DOK6: variants seen among roughly 807,000 people sequenced by gnomAD.
DOK6 encodes the protein downstream of tyrosine kinase 6.
In DOK6, 22 loss-of-function variants were observed where a neutral mutation model predicts 44.0. The observed-to-expected ratio is 0.50, with a 90% CI of 0.36 to 0.71. DOK6 has a LOEUF of 0.71. Ranked by LOEUF, DOK6 falls within the 30% of genes least tolerant of loss-of-function variation. DOK6 has a pLI of 0.00. For synonymous variants in DOK6, 166 were observed against 145.5 expected (o/e 1.14, Z -1.01); for missense variants, 340 against 416.4 (o/e 0.82, Z 1.60).
intron 3 of DOK6, among the ~76,000 whole-genome samples, chr18:69,656,405 A>C (rs4891765): frequency 0.074 from 11,209 of 152,264 alleles, 465 homozygotes; most frequent in Admixed American, 0.1. Context: ...GATATCACAA[A>C]GTGGTTTAGA....
chr18:69,590,480 C>T (rs1983598116), intron 2 of DOK6, among the ~76,000 whole-genome samples: 1 of 152,088 alleles, frequency 6.6e-6, no homozygotes, highest in Admixed American at 6.5e-5. Flanking sequence ...CCTTTAAATA[C>T]CATGCTTTTT....
At chr18:69,764,565 G>A (rs552648884) in intron 7 of DOK6, among the ~76,000 whole-genome samples, 1 of 152,124 alleles carries the variant, frequency 6.6e-6, no homozygotes, top group Non-Finnish European at 1.5e-5. Context: ...CGTGAAGAAG[G>A]ATGTGTTTGC....
intron 7 of DOK6, among the ~76,000 whole-genome samples, chr18:69,759,199 G>T (rs1302221591): frequency 6.6e-6 from 1 of 152,156 alleles, no homozygotes; most frequent in Non-Finnish European, 1.5e-5. Context: ...TCAAGAATCG[G>T]AAAGAGAAGA....
intron 6 of DOK6, among the ~76,000 whole-genome samples, chr18:69,751,655 CG>C (rs1979182953): frequency 6.6e-6 from 1 of 151,978 alleles, no homozygotes; most frequent in Non-Finnish European, 1.5e-5. Flanking sequence ...TTTTAATGTA[CG>C]GAAACTACTC....
At chr18:69,797,562 T>C (rs1376090861) in intron 7 of DOK6, among the ~76,000 whole-genome samples, 1 of 152,134 alleles carries the variant, frequency 6.6e-6, no homozygotes, top group Non-Finnish European at 1.5e-5. Context: ...ATAAGTATTA[T>C]TGCAAATCAG....
intron 5 of DOK6, among the ~76,000 whole-genome samples, chr18:69,700,397 C>T (rs1075261): frequency 0.11 from 17,036 of 151,760 alleles, 975 homozygotes; most frequent in South Asian, 0.16. Context: ...TCTGTTACAA[C>T]GTTTCAATAG....
intron 3 of DOK6, among the ~76,000 whole-genome samples, chr18:69,677,462 C>T (rs187613503): frequency 6.6e-5 from 10 of 151,680 alleles, no homozygotes; most frequent in African/African-American, 1.9e-4. Context: ...TCAATCTAAA[C>T]TATGCTATAT....
chr18:69,430,435 A>C (rs1046977383), intron 1 of DOK6, among the ~76,000 whole-genome samples: 1 of 152,168 alleles, frequency 6.6e-6, no homozygotes, highest in African/African-American at 2.4e-5. Context: ...TTTCATCATA[A>C]AAATGAGTTG....
At chr18:69,696,234 A>C (rs1006841393) in intron 4 of DOK6, among the ~76,000 whole-genome samples, 4 of 152,214 alleles carry the variant, frequency 2.6e-5, no homozygotes, top group Non-Finnish European at 4.4e-5. Flanking sequence ...ACATTTGAGC[A>C]CACAAACATT....
At chr18:69,709,126 G>A (rs955186345) in intron 5 of DOK6, among the ~76,000 whole-genome samples, 2 of 151,990 alleles carry the variant, frequency 1.3e-5, no homozygotes, top group African/African-American at 4.8e-5. Context: ...TTCTTTAAGG[G>A]GACTTTTCAA....
At chr18:69,493,121 G>A (rs1224547892) in intron 1 of DOK6, among the ~76,000 whole-genome samples, 7 of 152,006 alleles carry the variant, frequency 4.6e-5, no homozygotes, top group Non-Finnish European at 7.4e-5. Flanking sequence ...AACCTCCCAG[G>A]TGAAGTTTAT....
At chr18:69,517,788 A>G (rs900387786) in intron 1 of DOK6, among the ~76,000 whole-genome samples, 2 of 151,924 alleles carry the variant, frequency 1.3e-5, no homozygotes, top group Admixed American at 6.6e-5. Context: ...CCAAGCAGCA[A>G]ATGACGTGGA....
intron 7 of DOK6, among the ~76,000 whole-genome samples, chr18:69,833,149 T>G (rs8094113): frequency 0.048 from 7,249 of 152,072 alleles, 250 homozygotes; most frequent in Non-Finnish European, 0.07. Context: ...CATCACAGTA[T>G]CCCAATTCAA....
chr18:69,637,284 G>A (rs182645669), intron 3 of DOK6, among the ~76,000 whole-genome samples: 11 of 152,244 alleles, frequency 7.2e-5, no homozygotes, highest in African/African-American at 1.9e-4. Context: ...AAATTTTCAC[G>A]GTCACGTGAG....
At chr18:69,805,263 A>G (rs1981022072) in intron 7 of DOK6, among the ~76,000 whole-genome samples, 1 of 152,150 alleles carries the variant, frequency 6.6e-6, no homozygotes. Context: ...TTTTATCTCA[A>G]AGGGTAAAAG....
intron 5 of DOK6, among the ~76,000 whole-genome samples, chr18:69,726,628 AAC>A (rs1351096331): frequency 6.8e-6 from 1 of 147,648 alleles, no homozygotes; most frequent in Non-Finnish European, 1.5e-5. Context: ...TATATATATA[AAC>A]ACACACACAT....
At chr18:69,720,505 T>A (rs1986982657) in intron 5 of DOK6, among the ~76,000 whole-genome samples, 1 of 152,222 alleles carries the variant, frequency 6.6e-6, no homozygotes, top group Non-Finnish European at 1.5e-5. Context: ...TAAGTTGTTA[T>A]TGGCACAAAG....
chr18:69,662,275 C>CCG (rs1325948403), intron 3 of DOK6: 1 of 152,426 alleles, frequency 6.6e-6, no homozygotes, highest in Admixed American at 6.5e-5. Flanking sequence ...CCACCACACC[C>CCG]CGCCTCCAGG....
intron 5 of DOK6, among the ~76,000 whole-genome samples, chr18:69,715,552 G>C (rs1029846256): frequency 3.9e-5 from 6 of 152,236 alleles, no homozygotes; most frequent in African/African-American, 1.4e-4. Context: ...TGACAGAGCT[G>C]TCAGTCGAGT....
Sources: allele counts gnomAD v4.1 joint callset (sites outside exome capture counted in the v4.1 genomes callset), GRCh38; gene constraint gnomAD v4.1.1; transcripts MANE v1.5; gene names NCBI Gene and HGNC (gene_info 2026-07-23, HGNC 2026-07-21).